GLRA2: variants seen among roughly 807,000 people sequenced by gnomAD.
GLRA2 encodes the protein glycine receptor subunit alpha-2.
Under a neutral mutation model 31.6 loss-of-function variants are expected in GLRA2, and 11 were observed. The ratio of observed to expected loss-of-function variants is 0.35; its 90% CI spans 0.22 to 0.58. The LOEUF (loss-of-function observed/expected upper bound fraction) is 0.58, where lower values mean the gene tolerates loss of function less well. Among genes scored for constraint, GLRA2 ranks in the 20% least tolerant of loss-of-function variants. GLRA2 has a pLI of 0.84. For missense variants in GLRA2, 212 were observed against 351.8 expected (o/e 0.60, Z 3.18); for synonymous variants, 132 against 134.0 (o/e 0.99, Z 0.10).
At position 14,604,265 on chromosome X, in the gene GLRA2, G is replaced by T. The variant is rs756318047; in HGVS notation, c.495-50G>T. On this transcript the variant is annotated intron_variant, in intron 4 of 8. Transcript: ENST00000218075. ...GTATTTTGTTTGTTTCTCAACAACT[G>T]GACTTCATAGATTTAAAAATGGTTT... 22 of 725,444 alleles carry T rather than the reference G, an allele frequency of 3.0e-5. No individual in the cohort carries two copies. In the Admixed American group the frequency reaches 4.7e-4, roughly 15 times the overall value. 59.8% of individuals were successfully genotyped at this position (725,444 alleles called of 1,213,427 possible).
the GLRA2 span, among the ~76,000 whole-genome samples, chrX:14,449,330 C>G: frequency 8.9e-6 from 1 of 112,042 alleles, no homozygotes; most frequent in Admixed American, 9.4e-5. Flanking sequence ...CCTCTGGGAT[C>G]CTAGCAAAAA....
At chrX:14,662,705 A>T (rs1490253553) in intron 7 of GLRA2, among the ~76,000 whole-genome samples, 3 of 111,849 alleles carry the variant, frequency 2.7e-5, no homozygotes, top group Non-Finnish European at 5.6e-5. Flanking sequence ...CTCTGTCAAC[A>T]GGCAAACAAT....
chrX:14,500,535 T>C, the GLRA2 span, among the ~76,000 whole-genome samples: 1 of 112,389 alleles, frequency 8.9e-6, no homozygotes, highest in Non-Finnish European at 1.9e-5. Flanking sequence ...TCAGGTACTC[T>C]TGATGCTTCC....
chrX:14,537,270 G>A (rs973448788), intron 2 of GLRA2, among the ~76,000 whole-genome samples: 3 of 111,895 alleles, frequency 2.7e-5, no homozygotes, highest in Non-Finnish European at 5.7e-5. Flanking sequence ...ACACAAAAGA[G>A]TGGAAATATC....
chrX:14,597,375 G>A (rs991229554), intron 4 of GLRA2, among the ~76,000 whole-genome samples: 1 of 111,701 alleles, frequency 9.0e-6, no homozygotes, highest in African/African-American at 3.3e-5. Flanking sequence ...TATTCAAGAG[G>A]GTAAATTTAC....
At chrX:14,553,725 G>C (rs913732866) in intron 2 of GLRA2, among the ~76,000 whole-genome samples, 4 of 111,527 alleles carry the variant, frequency 3.6e-5, no homozygotes, top group Admixed American at 1.9e-4. Flanking sequence ...AGGTGAATTA[G>C]TGTCTCCTGA....
At chrX:14,471,088 G>A in the GLRA2 span, among the ~76,000 whole-genome samples, 4 of 111,740 alleles carry the variant, frequency 3.6e-5, no homozygotes, top group Non-Finnish European at 7.5e-5. Context: ...ATGGCTTAAG[G>A]ACAAATGATC....
At chrX:14,478,017 A>AAT in the GLRA2 span, among the ~76,000 whole-genome samples, 1,171 of 110,397 alleles carry the variant, frequency 0.011, 11 homozygotes, top group Non-Finnish European at 0.018. Context: ...AAAAAGAGAA[A>AAT]ATATATATAT....
intron 2 of GLRA2, among the ~76,000 whole-genome samples, chrX:14,533,045 G>T (rs184166753): frequency 1.4e-3 from 157 of 110,886 alleles, no homozygotes; most frequent in African/African-American, 4.7e-3. Flanking sequence ...TTAATAGTCT[G>T]CAGAAATGCT....
chrX:14,688,859 G>T (rs780581347), intron 7 of GLRA2, among the ~76,000 whole-genome samples: 5 of 111,419 alleles, frequency 4.5e-5, no homozygotes, highest in Non-Finnish European at 3.8e-5. Context: ...TACCTCAGTT[G>T]GAAATGCAGA....
the GLRA2 span, among the ~76,000 whole-genome samples, chrX:14,519,832 T>C: frequency 1.8e-5 from 2 of 112,173 alleles, no homozygotes; most frequent in African/African-American, 6.5e-5. Flanking sequence ...CATATTACTT[T>C]GTCTAATCTT....
intron 7 of GLRA2, among the ~76,000 whole-genome samples, chrX:14,655,528 T>C (rs1268212413): frequency 1.8e-5 from 2 of 111,670 alleles, no homozygotes; most frequent in South Asian, 3.7e-4. Flanking sequence ...ATCTCTGTTA[T>C]TCTTGATGAA....
chrX:14,482,010 G>A, the GLRA2 span, among the ~76,000 whole-genome samples: 1 of 111,332 alleles, frequency 9.0e-6, no homozygotes, highest in Non-Finnish European at 1.9e-5. Flanking sequence ...AGCAAGTAGG[G>A]CTAACCACTT....
chrX:14,729,571 C>T (rs1358390926), intron 8 of GLRA2, among the ~76,000 whole-genome samples: 2 of 111,487 alleles, frequency 1.8e-5, no homozygotes, highest in African/African-American at 6.5e-5. Context: ...GCCAAATAAT[C>T]AATGTTAAAA....
chrX:14,585,558 G>A (rs1292921821), intron 4 of GLRA2, among the ~76,000 whole-genome samples: 3 of 111,269 alleles, frequency 2.7e-5, no homozygotes, highest in Non-Finnish European at 5.7e-5. Context: ...GCCAAGGGGG[G>A]TACAGTTGTG....
chrX:14,724,136 G>A (rs758242700), intron 8 of GLRA2, among the ~76,000 whole-genome samples: 1 of 111,533 alleles, frequency 9.0e-6, no homozygotes, highest in African/African-American at 3.3e-5. Context: ...TGTCTTGTGT[G>A]TATATGCATT....
In GLRA2 at chrX:14,602,086, C is replaced by T. The variant is rs140222989; in HGVS notation, c.495-2229C>T. ...GGGGAAGAGATAGTTTGAGGCAGTA[C>T]TAGGAAGGGAACCAAGACTTACTAA... On this transcript the variant is annotated intron_variant, in intron 4 of 8. Transcript: ENST00000218075. 1.7e-3 allele frequency among the ~76,000 whole-genome samples: 190 copies of T among 111,652 alleles called. 1 individual carries two copies. The highest frequency in any genetic ancestry group is 3.1e-3 in the Non-Finnish European group (163 of 53,011).
the GLRA2 span, among the ~76,000 whole-genome samples, chrX:14,505,528 G>A: frequency 3.6e-5 from 4 of 111,693 alleles, no homozygotes; most frequent in African/African-American, 1.3e-4. Context: ...GACAATTTGA[G>A]GGGAATGTCA....
At chrX:14,485,258 G>T in the GLRA2 span, among the ~76,000 whole-genome samples, 3 of 112,262 alleles carry the variant, frequency 2.7e-5, no homozygotes, top group East Asian at 8.4e-4. Flanking sequence ...GAACTAGGTT[G>T]CCCTTTATAT....
Sources: gnomAD v4.1 joint callset for allele counts (sites outside exome capture counted in the v4.1 genomes callset) on GRCh38, gnomAD v4.1.1 for gene constraint, MANE v1.5 for transcripts, NCBI Gene and HGNC (gene_info 2026-07-23, HGNC 2026-07-21) for gene names.